Variants in LRRC15 observed in about 807,000 individuals in gnomAD.
LRRC15 encodes the protein leucine rich repeat containing 15.
In LRRC15, 5 loss-of-function variants were observed where a neutral mutation model predicts 4.3. The observed-to-expected ratio is 1.16, with a 90% CI of 0.61 to 2.44. The LOEUF is 2.44. Among genes scored for constraint, LRRC15 ranks in the 30% most tolerant of loss-of-function variants. The pLI, the probability that LRRC15 is intolerant of heterozygous loss-of-function variation, is 0.01. For synonymous variants in LRRC15, 337 were observed against 323.2 expected, an observed-to-expected ratio of 1.04 and a Z score of -0.46; for missense variants, 769 against 747.0, an observed-to-expected ratio of 1.03 and a Z score of -0.34.
chr3:194,359,233 C>A lies in LRRC15; in HGVS notation c.*65G>T, dbSNP rs894483365. On this transcript the variant is annotated 3_prime_UTR_variant, in exon 2 of 2. Transcript: ENST00000347624. ...AGCTCCATGGACCCAGGGGTGGAGG[C>A]AGAAAGATGAAATTCCCAGGTCCTC... 3 of 1,436,450 alleles carry A rather than the reference C, an allele frequency of 2.1e-6. No individual in the cohort carries two copies. The highest frequency in any genetic ancestry group is 2.3e-5 in the Admixed American group (1 of 43,590). 89.0% of individuals were successfully genotyped at this position (1,436,450 alleles called of 1,614,324 possible).
chr3:194,359,412 A>T lies in LRRC15; in HGVS notation c.1632T>A (p.Ile544=), dbSNP rs762584945. The T allele has an allele frequency of 6.2e-7, 1 of 1,614,156 alleles. No homozygotes were observed. ...QAQSGLAIAA[I]VIGIVALACS... ...AGGCCAGGGCGACAATGCCAATTAC[A>T]ATGGCGGCAATGGCCAGCCCGCTCT... The change falls in exon 2 of 2, where the codon ATT becomes ATA. Residue 544 remains isoleucine (I), a synonymous_variant. Coordinates refer to ENST00000347624, the MANE Select transcript of LRRC15 (RefSeq NM_130830.5).
At position 194,360,652 on chromosome 3, in the gene LRRC15, A is replaced by G; in HGVS notation, c.392T>C (p.Leu131Pro). ...FQGLDSLESL[L>P]LSSNQLLQIQ... is the part of the protein sequence containing the mutation. ...CTGCAACAGCTGGTTACTGGACAGA[A>G]GGAGAGACTCGAGGCTGTCCAGGCC... The change falls in exon 2 of 2, where the codon CTT becomes CCT. Residue 131 changes from leucine to proline, a missense_variant. By Grantham distance (98) the Leu-to-Pro change is moderately conservative. Coordinates refer to ENST00000347624, the MANE Select transcript of LRRC15 (RefSeq NM_130830.5). The G allele has an allele frequency of 3.7e-6, 6 of 1,614,196 alleles. No homozygotes were observed. Among genetic ancestry groups the G allele is most frequent in the Non-Finnish European group, 5.1e-6 (6 of 1,180,040 alleles).
In LRRC15 at chr3:194,360,807, G is replaced by T. The variant is rs758922626; in HGVS notation, c.237C>A (p.Leu79=). The change falls in exon 2 of 2, where the codon CTC becomes CTA. Residue 79 remains leucine (L), a synonymous_variant. Coordinates refer to ENST00000347624, the MANE Select transcript of LRRC15 (RefSeq NM_130830.5). ...NESPFLNISA[L]IALRIEKNEL... ...CATTCTTCTCAATCCTCAGGGCGAT[G>T]AGGGCTGAGATATTGAGGAACGGGG... The T allele has an allele frequency of 1.9e-6, 3 of 1,614,132 alleles. No homozygotes were observed. The highest frequency in any genetic ancestry group is 1.1e-5 in the South Asian group (1 of 91,090).
chr3:194,360,270 G>A lies in LRRC15; in HGVS notation c.774C>T (p.Ser258=), dbSNP rs755072353. The A allele has an allele frequency of 1.2e-5, 20 of 1,613,698 alleles. No individual in the cohort carries two copies. The highest frequency in any genetic ancestry group is 2.5e-6 in the Non-Finnish European group (3 of 1,179,766). Residue 258 remains serine, a synonymous_variant, in exon 2 of 2, where the codon TCC becomes TCT. Transcript: ENST00000347624. ...QRLYLSNNHI[S]QLPPSVFMQL... is the part of the protein sequence containing the mutation. Reference sequence around the variant, plus strand: ...GCATGAAGACGCTGGGTGGCAGCTGGGAGATGTGGTTGTTGGACAGGTAGA... The same window carrying A: ...GCATGAAGACGCTGGGTGGCAGCTGAGAGATGTGGTTGTTGGACAGGTAGA...
intron 1 of LRRC15, among the ~76,000 whole-genome samples, chr3:194,367,871 G>A (rs958847149): frequency 6.6e-6 from 1 of 152,232 alleles, no homozygotes; most frequent in East Asian, 1.9e-4. Context: ...GTTAAAAAGC[G>A]CAATTCCTTT....
chr3:194,368,188 C>T (rs973839019), intron 1 of LRRC15, among the ~76,000 whole-genome samples: 11 of 152,314 alleles, frequency 7.2e-5, no homozygotes, highest in South Asian at 2.1e-4. Context: ...GTGACTCCTT[C>T]GTGGTCAGGA....
chr3:194,364,032 A>C (rs1713709876), intron 1 of LRRC15, among the ~76,000 whole-genome samples: 1 of 152,142 alleles, frequency 6.6e-6, no homozygotes, highest in Non-Finnish European at 1.5e-5. Flanking sequence ...GTTCACACTG[A>C]AAATGGGCAA....
At position 194,355,974 on chromosome 3, in the gene LRRC15, A is replaced by G. The variant is rs1303270274; in HGVS notation, c.*3324T>C. 6 of 152,246 alleles carry G rather than the reference A, an allele frequency of 3.9e-5. No individual in the cohort carries two copies. The highest frequency in any genetic ancestry group is 1.4e-4 in the African/African-American group (6 of 41,456). 9.4% of individuals were successfully genotyped at this position (152,246 alleles called of 1,614,324 possible). On this transcript the variant is annotated 3_prime_UTR_variant, in exon 2 of 2. Coordinates refer to ENST00000347624, the MANE Select transcript of LRRC15 (RefSeq NM_130830.5). ...TTACAAAGCTTTTGATCTATATGGT[A>G]CCAAGTGAGGTTCTGATGACCAAGA...
rs757264988 is a variant in LRRC15, at chr3:194,360,916, C to A, written c.128G>T (p.Arg43Leu). The A allele has an allele frequency of 3.7e-6, 6 of 1,600,574 alleles. No individual in the cohort carries two copies. Among genetic ancestry groups the A allele is most frequent in the East Asian group, 2.2e-5 (1 of 44,748 alleles). The change falls in exon 2 of 2, where the codon CGC (arginine) becomes CTC (leucine). Residue 43 changes from arginine (R) to leucine (L), a missense_variant. Physicochemically the swap from Arg to Leu is moderately radical, Grantham distance 102. Coordinates refer to ENST00000347624, the MANE Select transcript of LRRC15 (RefSeq NM_130830.5). ...CAGAGGGGTGGGCACTGCCACAATG[C>A]GTGCCCCGGTGCACTCCACCTGGGA... ...RASQVECTGA[R>L]IVAVPTPLPW...
intron 1 of LRRC15, among the ~76,000 whole-genome samples, chr3:194,362,177 C>T (rs935653820): frequency 1.3e-5 from 2 of 151,146 alleles, no homozygotes; most frequent in Non-Finnish European, 2.9e-5. Context: ...AGATATGGGA[C>T]ATAGGTGCTG....
At chr3:194,363,301 T>C (rs1477691889) in intron 1 of LRRC15, 3 of 682,812 alleles carry the variant, frequency 4.4e-6, no homozygotes, top group Non-Finnish European at 8.1e-6. Context: ...TACTTTTACA[T>C]TAAGAACTTG....
intron 1 of LRRC15, among the ~76,000 whole-genome samples, chr3:194,368,289 G>A (rs906964924): frequency 4.6e-5 from 7 of 151,994 alleles, no homozygotes; most frequent in South Asian, 2.1e-4. Context: ...TATTCTCCAC[G>A]GCTGGATCTA....
At chr3:194,361,386 C>A (rs1223063403) in intron 1 of LRRC15, among the ~76,000 whole-genome samples, 1 of 152,194 alleles carries the variant, frequency 6.6e-6, no homozygotes, top group African/African-American at 2.4e-5. Context: ...GTCGTCTTCC[C>A]AGTCTCCATC....
chr3:194,368,987 G>A (rs1385130317), intron 1 of LRRC15, among the ~76,000 whole-genome samples: 2 of 152,226 alleles, frequency 1.3e-5, no homozygotes, highest in Non-Finnish European at 2.9e-5. Context: ...GGAGAGAGGG[G>A]AAACTGCCAG....
rs746177174 is a variant in LRRC15 at position 194,359,681 on chromosome 3, T to G, written c.1363A>C (p.Ser455Arg). 1.6e-5 allele frequency: 26 copies of G among 1,614,184 alleles called. No individual in the cohort carries two copies. In the East Asian group the frequency reaches 2.0e-4, roughly 12 times the overall value. ...GACTGGCCTCGGACATTGGCTGGGC[T>G]GAAACACACAGGTACAGTGTCCGTC... ...LGTDTVPVCF[S>R]PANVRGQSLI... The change falls in exon 2 of 2, where the codon AGC becomes CGC. Residue 455 changes from serine to arginine, a missense_variant. Coordinates refer to ENST00000347624, the MANE Select transcript of LRRC15 (RefSeq NM_130830.5).
chr3:194,369,272 G>A (rs143088678), intron 1 of LRRC15, among the ~76,000 whole-genome samples: 188 of 152,370 alleles, frequency 1.2e-3, no homozygotes, highest in African/African-American at 4.3e-3. Flanking sequence ...CTTAAAAAGA[G>A]AAGTTCTTCC....
At chr3:194,363,287 G>C (rs1020429242) in intron 1 of LRRC15, 1 of 671,716 alleles carries the variant, frequency 1.5e-6, no homozygotes, top group East Asian at 2.8e-5. Context: ...GCCCTGACCT[G>C]CTATACTTTT....
chr3:194,363,065 C>T (rs1020481567), intron 1 of LRRC15, among the ~76,000 whole-genome samples: 2 of 151,928 alleles, frequency 1.3e-5, no homozygotes, highest in African/African-American at 4.8e-5. Context: ...CCTCAGCCTC[C>T]CGAGTAGCTG....
rs1713417738 is a variant in LRRC15, at chr3:194,356,091, G to A, written c.*3207C>T. 1 of 152,202 alleles carries A rather than the reference G, an allele frequency of 6.6e-6. No individual in the cohort carries two copies. The highest frequency in any genetic ancestry group is 1.9e-4 in the East Asian group (1 of 5,198). 9.4% of individuals were successfully genotyped at this position (152,202 alleles called of 1,614,324 possible). ...CATGAGCTCTTGTACAAAGTTTGAA[G>A]AGATAAATAAAACTCCCAGCCTATT... On this transcript the variant is annotated 3_prime_UTR_variant, in exon 2 of 2. Transcript: ENST00000347624.
Sources: gnomAD v4.1 joint callset for allele counts (sites outside exome capture counted in the v4.1 genomes callset) on GRCh38, gnomAD v4.1.1 for gene constraint, MANE v1.5 for transcripts, NCBI Gene and HGNC (gene_info 2026-07-23, HGNC 2026-07-21) for gene names.